The following CLNK variants were observed in gnomAD, a reference collection of about 807,000 sequenced individuals.
CLNK encodes the protein cytokine-dependent hematopoietic cell linker.
A neutral mutation model predicts 68.6 loss-of-function variants in CLNK; 74 were observed. The ratio of observed to expected loss-of-function variants is 1.08; its 90% CI spans 0.89 to 1.31. The LOEUF is 1.31. Among genes scored for constraint, CLNK ranks in the 50% most tolerant of loss-of-function variants. The pLI is 0.00. For synonymous variants in CLNK, 198 were observed against 172.2 expected (o/e 1.15, Z -1.17); for missense variants, 553 against 515.3 (o/e 1.07, Z -0.71).
intron 2 of CLNK, among the ~76,000 whole-genome samples, chr4:10,603,833 G>A (rs562674958): frequency 2.0e-5 from 3 of 152,320 alleles, no homozygotes; most frequent in Admixed American, 2.0e-4. Context: ...AGAGAGACCT[G>A]GATGGAGACT....
chr4:10,509,232 T>A (rs1435945561), intron 16 of CLNK, among the ~76,000 whole-genome samples: 3 of 152,092 alleles, frequency 2.0e-5, no homozygotes, highest in Non-Finnish European at 4.4e-5. Context: ...AAACCTGATA[T>A]ATTAAATACT....
intron 1 of CLNK, among the ~76,000 whole-genome samples, chr4:10,679,387 A>G (rs971331156): frequency 6.6e-6 from 1 of 152,272 alleles, no homozygotes; most frequent in African/African-American, 2.4e-5. Flanking sequence ...AAAGACTTAC[A>G]TGTTAGACCT....
At chr4:10,542,194 A>G in intron 9 of CLNK, 61 bp downstream of exon 9, 1 of 1,236,712 alleles carries the variant, frequency 8.1e-7, no homozygotes, top group South Asian at 1.3e-5. Context: ...TGCATCATCT[A>G]TATCTCTAGG....
chr4:10,551,077 G>C (rs1382676171), intron 8 of CLNK, among the ~76,000 whole-genome samples: 4 of 152,146 alleles, frequency 2.6e-5, no homozygotes, highest in South Asian at 2.1e-4. Flanking sequence ...CAGCATGCGA[G>C]TTAACATTTA....
At chr4:10,575,241 C>A (rs1720514431) in intron 4 of CLNK, among the ~76,000 whole-genome samples, 1 of 152,212 alleles carries the variant, frequency 6.6e-6, no homozygotes, top group Non-Finnish European at 1.5e-5. Flanking sequence ...CTTCCTTTAC[C>A]TCTTTCTCAC....
At chr4:10,593,211 A>G (rs1347140728) in intron 3 of CLNK, among the ~76,000 whole-genome samples, 3 of 152,078 alleles carry the variant, frequency 2.0e-5, no homozygotes, top group African/African-American at 7.2e-5. Flanking sequence ...GAGAAAAGTG[A>G]CCCTTATGGC....
rs762033179 is a variant in CLNK at position 10,490,534 on chromosome 4, C to T, written c.1220G>A (p.Gly407Glu). ...GAGGTGACACTGTTTCCTGTGGACC[C>T]CAGTTTTATCTTTCCCATCAATTAG... ...IILIDGKDKT[G>E]VHRKQCHLTQ... The change falls in exon 19 of 19, where the codon GGG becomes GAG. Residue 407 changes from glycine (G) to glutamate (E), a missense_variant. Transcript: ENST00000226951. 2 of 1,609,728 alleles carry T rather than the reference C, an allele frequency of 1.2e-6. No individual in the cohort carries two copies. Among genetic ancestry groups the T allele is most frequent in the Non-Finnish European group, 8.5e-7 (1 of 1,178,014 alleles).
intron 11 of CLNK, among the ~76,000 whole-genome samples, chr4:10,539,854 G>T (rs1446233764): frequency 6.6e-6 from 1 of 152,176 alleles, no homozygotes; most frequent in African/African-American, 2.4e-5. Flanking sequence ...TCCCCTTTCA[G>T]TTCTTACATA....
At position 10,513,472 on chromosome 4, in the gene CLNK, C is replaced by T. The variant is rs939289326; in HGVS notation, c.898G>A (p.Asp300Asn). The stretch of plus-strand genomic sequence containing the variant: ...GAGAAGTGTCTGCTTACCTTTCTAT[C>T]AGACCTTTTGGGGAAAGGTGGTCTC... ...SWRPPFPKRS[D>N]RKDVQHNEWY... Residue 300 changes from aspartate to asparagine, a missense_variant, in exon 16 of 19, where the codon GAT (aspartate) becomes AAT (asparagine). By Grantham distance (23) the Asp-to-Asn change is conservative. Coordinates refer to ENST00000226951, the MANE Select transcript of CLNK (RefSeq NM_052964.4). The T allele has an allele frequency of 6.2e-7, 1 of 1,611,384 alleles. No individual in the cohort carries two copies.
intron 2 of CLNK, among the ~76,000 whole-genome samples, chr4:10,632,129 C>A (rs1342006934): frequency 6.6e-6 from 1 of 152,204 alleles, no homozygotes; most frequent in Non-Finnish European, 1.5e-5. Flanking sequence ...TTCAAAACTC[C>A]ATCTTCCCAG....
chr4:10,723,836 T>C, the CLNK span, among the ~76,000 whole-genome samples: 1 of 99,834 alleles, frequency 1.0e-5, no homozygotes, highest in Non-Finnish European at 2.3e-5. Flanking sequence ...CTGTGTTCAC[T>C]GAAATGCTAG....
chr4:10,674,365 C>T (rs1724788249), intron 1 of CLNK, among the ~76,000 whole-genome samples: 1 of 152,140 alleles, frequency 6.6e-6, no homozygotes, highest in Non-Finnish European at 1.5e-5. Flanking sequence ...GACGCCAATG[C>T]AAATCTAATT....
chr4:10,720,376 T>A, the CLNK span, among the ~76,000 whole-genome samples: 1 of 151,982 alleles, frequency 6.6e-6, no homozygotes. Flanking sequence ...TACAAATTAT[T>A]TAAAGACTTC....
At chr4:10,608,926 TG>T (rs1194689236) in intron 2 of CLNK, among the ~76,000 whole-genome samples, 3 of 152,160 alleles carry the variant, frequency 2.0e-5, no homozygotes, top group Non-Finnish European at 2.9e-5. Context: ...TATCCTCACG[TG>T]GCCAAAAAAA....
At chr4:10,512,365 G>C (rs1340092028) in intron 16 of CLNK, among the ~76,000 whole-genome samples, 1 of 151,962 alleles carries the variant, frequency 6.6e-6, no homozygotes, top group East Asian at 1.9e-4. Flanking sequence ...CAAGTAGCTG[G>C]GATTACAGGC....
chr4:10,673,039 A>G (rs1724718155), intron 1 of CLNK, among the ~76,000 whole-genome samples: 1 of 152,216 alleles, frequency 6.6e-6, no homozygotes, highest in Admixed American at 6.5e-5. Flanking sequence ...TCACATCCAA[A>G]GATTTTAACA....
At chr4:10,699,507 TATATA>T in the CLNK span, among the ~76,000 whole-genome samples, 1 of 34,928 alleles carries the variant, frequency 2.9e-5, no homozygotes, top group Non-Finnish European at 5.9e-5. Flanking sequence ...TATATATATA[TATATA>T]TTTTTTTTTT....
chr4:10,654,610 T>A (rs947748565), intron 2 of CLNK, among the ~76,000 whole-genome samples: 2 of 150,934 alleles, frequency 1.3e-5, no homozygotes, highest in East Asian at 3.9e-4. Context: ...GAGGAAGAAA[T>A]AAAATTTAAT....
intron 2 of CLNK, among the ~76,000 whole-genome samples, chr4:10,625,397 C>T (rs1044951207): frequency 6.6e-6 from 1 of 152,242 alleles, no homozygotes; most frequent in African/African-American, 2.4e-5. Flanking sequence ...TGCCTCTGCC[C>T]TGAGCTTGGC....
Sources: gnomAD v4.1 joint callset for allele counts (sites outside exome capture counted in the v4.1 genomes callset) on GRCh38, gnomAD v4.1.1 for gene constraint, MANE v1.5 for transcripts, NCBI Gene and HGNC (gene_info 2026-07-23, HGNC 2026-07-21) for gene names.